ATP8A1: variants seen among roughly 807,000 people sequenced by gnomAD.
ATP8A1 encodes the protein ATPase phospholipid transporting 8A1, also known as phospholipid-transporting ATPase IA.
ATP8A1 carries 90 observed loss-of-function variants against 177.7 expected under a neutral mutation model. The observed-to-expected ratio is 0.51, with a 90% CI of 0.43 to 0.60. The LOEUF (loss-of-function observed/expected upper bound fraction) is 0.60, where lower values mean the gene tolerates loss of function less well. ATP8A1 is among the 20% of genes least tolerant of loss of function. The pLI is 0.00. For missense variants in ATP8A1, 1,072 were observed against 1,392.8 expected (o/e 0.77, Z 3.67); for synonymous variants, 493 against 485.9 (o/e 1.01, Z -0.19).
At chr4:42,555,332 C>CGA (rs1420275109) in intron 16 of ATP8A1, among the ~76,000 whole-genome samples, 5 of 151,818 alleles carry the variant, frequency 3.3e-5, no homozygotes, top group African/African-American at 1.2e-4. Flanking sequence ...TAACTTATTT[C>CGA]TATAAGTTAT....
intron 24 of ATP8A1, among the ~76,000 whole-genome samples, chr4:42,486,133 C>A (rs767676210): frequency 3.3e-5 from 5 of 152,156 alleles, no homozygotes; most frequent in Non-Finnish European, 5.9e-5. Context: ...CATTTATAAC[C>A]TGACGCGTTC....
chr4:42,633,379 T>C (rs1465391953), intron 1 of ATP8A1, among the ~76,000 whole-genome samples: 1 of 152,230 alleles, frequency 6.6e-6, no homozygotes, highest in African/African-American at 2.4e-5. Context: ...TATTCCATTT[T>C]TCATCCGAAA....
intron 22 of ATP8A1, among the ~76,000 whole-genome samples, chr4:42,516,610 C>T (rs1296530980): frequency 6.6e-6 from 1 of 152,154 alleles, no homozygotes. Flanking sequence ...TTGTATTTTT[C>T]TATTGAAGCA....
At chr4:42,589,772 T>C (rs967869975) in intron 7 of ATP8A1, among the ~76,000 whole-genome samples, 6 of 152,188 alleles carry the variant, frequency 3.9e-5, no homozygotes, top group Middle Eastern at 3.4e-3. Flanking sequence ...CCTGATAATA[T>C]AGAAGCACGA....
At position 42,586,368 on chromosome 4, in the gene ATP8A1, T is replaced by G. The variant is rs909681719; in HGVS notation, c.703A>C (p.Ile235Leu). ...ACATACCCATGTCCATCAAGCCTTATGTTTCCAACAAAATCGTAGAGATGT... is the reference window on the plus strand; with the variant it reads ...ACATACCCATGTCCATCAAGCCTTAGGTTTCCAACAAAATCGTAGAGATGT... The part of the protein sequence containing the change: ...NRHLYDFVGN[I>L]RLDGHGTVPL... Residue 235 changes from isoleucine (I) to leucine (L), a missense_variant, in exon 9 of 37, where the codon ATA becomes CTA. By Grantham distance (5) the Ile-to-Leu change is conservative. Coordinates refer to ENST00000381668, the MANE Select transcript of ATP8A1 (RefSeq NM_006095.2). 5.0e-6 allele frequency: 8 copies of G among 1,613,974 alleles called. No homozygotes were observed. Among genetic ancestry groups the G allele is most frequent in the Non-Finnish European group, 5.9e-6 (7 of 1,180,002 alleles).
At chr4:42,413,334 G>A (rs1318002236) in intron 36 of ATP8A1, among the ~76,000 whole-genome samples, 1 of 152,116 alleles carries the variant, frequency 6.6e-6, no homozygotes, top group Non-Finnish European at 1.5e-5. Flanking sequence ...ATTCTGGAGG[G>A]GGTGAGGGAG....
At chr4:42,485,755 T>A (rs1722132524) in intron 24 of ATP8A1, 87 bp from the exon 25 acceptor site, 1 of 1,033,012 alleles carries the variant, frequency 9.7e-7, no homozygotes, top group African/African-American at 1.6e-5. Context: ...GCAACTACAT[T>A]TAGTTATTTT....
intron 5 of ATP8A1, among the ~76,000 whole-genome samples, chr4:42,608,995 G>T (rs9991357): frequency 0.23 from 34,234 of 152,112 alleles, 4,344 homozygotes; most frequent in Non-Finnish European, 0.29. Flanking sequence ...GCCTATAAAG[G>T]TTACATTAAA....
chr4:42,437,219 C>T (rs1479182711), intron 33 of ATP8A1, among the ~76,000 whole-genome samples: 3 of 152,206 alleles, frequency 2.0e-5, no homozygotes, highest in Admixed American at 1.3e-4. Flanking sequence ...TGATATGAAA[C>T]GATCCCTGCT....
At chr4:42,574,157 C>G (rs1231538144) in intron 14 of ATP8A1, among the ~76,000 whole-genome samples, 3 of 152,034 alleles carry the variant, frequency 2.0e-5, no homozygotes, top group African/African-American at 7.3e-5. Context: ...GTCTCTACCT[C>G]CTTTCCATCA....
intron 24 of ATP8A1, among the ~76,000 whole-genome samples, chr4:42,488,479 T>A (rs1010427509): frequency 1.3e-5 from 2 of 152,310 alleles, no homozygotes; most frequent in Middle Eastern, 6.8e-3. Flanking sequence ...AGTCCCTCTG[T>A]TGCTTCCCTT....
intron 23 of ATP8A1, among the ~76,000 whole-genome samples, chr4:42,506,545 A>G (rs1724381859): frequency 6.6e-6 from 1 of 152,216 alleles, no homozygotes; most frequent in Non-Finnish European, 1.5e-5. Flanking sequence ...AGGAAGAGAC[A>G]TAAGGAGTAG....
At chr4:42,616,496 G>A (rs1353469755) in intron 4 of ATP8A1, among the ~76,000 whole-genome samples, 1 of 152,142 alleles carries the variant, frequency 6.6e-6, no homozygotes, top group East Asian at 1.9e-4. Context: ...TAATAGTATT[G>A]AAATATTTTC....
intron 22 of ATP8A1, among the ~76,000 whole-genome samples, chr4:42,507,779 C>CAAAAA: frequency 2.1e-4 from 1 of 4,790 alleles, no homozygotes; most frequent in Non-Finnish European, 4.0e-4. Context: ...GACAGGCATT[C>CAAAAA]TAAAAAAAAA....
rs1184724702 is a variant in ATP8A1 at position 42,456,328 on chromosome 4, GTGGAATA to G, written c.2620-736_2620-730del. 5.3e-5 allele frequency among the ~76,000 whole-genome samples: 8 copies of G among 152,176 alleles called. No homozygotes were observed. The East Asian group carries it at 1.5e-3, about 29-fold the overall frequency. The stretch of plus-strand genomic sequence containing the variant: ...TTTTTCCTTAGGGTGAATTCTTAAG[GTGGAATA>G]GGTCAAAGTACATGAGTCTTCTTAA... On this transcript the variant is annotated intron_variant, in intron 27 of 36. Coordinates refer to ENST00000381668, the MANE Select transcript of ATP8A1 (RefSeq NM_006095.2).
chr4:42,467,174 C>G (rs1719862415), intron 25 of ATP8A1, among the ~76,000 whole-genome samples: 1 of 152,104 alleles, frequency 6.6e-6, no homozygotes, highest in African/African-American at 2.4e-5. Context: ...TGATCACAAC[C>G]AACCACTGCT....
intron 20 of ATP8A1, among the ~76,000 whole-genome samples, chr4:42,540,435 A>G (rs1032469665): frequency 6.6e-6 from 1 of 151,064 alleles, no homozygotes; most frequent in African/African-American, 2.5e-5. Flanking sequence ...TAAGTACCCA[A>G]AGGAAAAAAA....
intron 6 of ATP8A1, among the ~76,000 whole-genome samples, chr4:42,592,570 C>A (rs1734293268): frequency 6.6e-6 from 1 of 151,966 alleles, no homozygotes; most frequent in Non-Finnish European, 1.5e-5. Flanking sequence ...CAATACTTTC[C>A]CAAATTGTTA....
chr4:42,581,651 G>C lies in ATP8A1; in HGVS notation c.804C>G (p.Val268=). ...TCAGCTTGGTGTCATGTCCAGTGTA[G>C]ACAACTATTCCATGAACCCACTGTG... ...RNTQWVHGIV[V]YTGHDTKLMQ... Residue 268 remains valine (V), a synonymous_variant, in exon 10 of 37, where the codon GTC becomes GTG. Coordinates refer to ENST00000381668, the MANE Select transcript of ATP8A1 (RefSeq NM_006095.2). 6.2e-7 allele frequency: 1 copy of C among 1,614,098 alleles called. No homozygotes were observed. The highest frequency in any genetic ancestry group is 8.5e-7 in the Non-Finnish European group (1 of 1,179,938).
Sources: gnomAD v4.1 joint callset for allele counts (sites outside exome capture counted in the v4.1 genomes callset) on GRCh38, gnomAD v4.1.1 for gene constraint, MANE v1.5 for transcripts, NCBI Gene and HGNC (gene_info 2026-07-23, HGNC 2026-07-21) for gene names.